Variants in COX15 observed in about 807,000 individuals in gnomAD.
The protein encoded by COX15 is cytochrome c oxidase assembly factor COX15.
Under a neutral mutation model 51.9 loss-of-function variants are expected in COX15, and 51 were observed. The observed-to-expected ratio is 0.98, with a 90% CI of 0.78 to 1.24. COX15 has a LOEUF of 1.24. COX15 is among the 50% of genes most tolerant of loss of function. The probability of loss-of-function intolerance (pLI) is 0.00; values close to 1 mark genes in which losing one functional copy is unlikely to be tolerated. For synonymous variants in COX15, 188 were observed against 190.5 expected (o/e 0.99, Z 0.11); for missense variants, 420 against 501.1 (o/e 0.84, Z 1.55).
the COX15 span, among the ~76,000 whole-genome samples, chr10:99,702,242 T>G: frequency 6.6e-6 from 1 of 152,010 alleles, no homozygotes; most frequent in Non-Finnish European, 1.5e-5. Flanking sequence ...ATCCTATAAT[T>G]ACATTTGTAG....
chr10:99,729,299 A>G (rs1427034131), intron 2 of COX15, among the ~76,000 whole-genome samples: 1 of 152,078 alleles, frequency 6.6e-6, no homozygotes, highest in Admixed American at 6.5e-5. Context: ...TGTCTCTACT[A>G]AAAATACAAA....
chr10:99,706,068 C>G (rs1172132017), downstream of COX15: 1 of 152,076 alleles, frequency 6.6e-6, no homozygotes, highest in Non-Finnish European at 1.5e-5. Context: ...TTTTCGTCAC[C>G]TTTGATTTTT....
intron 2 of COX15, 152 bp downstream of exon 2, chr10:99,729,401 A>T (rs2037062967): frequency 1.2e-5 from 10 of 802,774 alleles, no homozygotes; most frequent in Non-Finnish European, 1.0e-5. Context: ...CGGAGGTTGC[A>T]GTCAGCCGAG....
In COX15 at chr10:99,711,660, G is replaced by A. The variant is rs1298782034; in HGVS notation, c.*2927C>T. On this transcript the variant is annotated 3_prime_UTR_variant, in exon 9 of 9. Coordinates refer to ENST00000016171, the MANE Select transcript of COX15 (RefSeq NM_078470.6). ...TTCCTCCAGGGATTGTGACTTAATT[G>A]GTCTTAGATGAGGCTTGGGCTTTGG... 2.0e-6 allele frequency: 2 copies of A among 984,950 alleles called. No individual in the cohort carries two copies. The highest frequency in any genetic ancestry group is 1.7e-5 in the African/African-American group (1 of 57,194). 61.0% of individuals were successfully genotyped at this position (984,950 alleles called of 1,614,324 possible). A position where few individuals can be genotyped will look rare whatever the true frequency, so the allele number is the denominator to read the frequency against.
At position 99,711,386 on chromosome 10, in the gene COX15, A is replaced by G. The variant is rs1402938406; in HGVS notation, c.*3201T>C. On this transcript the variant is annotated 3_prime_UTR_variant, in exon 9 of 9. Transcript: ENST00000016171. ...GAGGATCAGGAGAGGATGGTGTGGG[A>G]ACCTGCCTCAGGAACTACAGTTCCC... 1.0e-6 allele frequency: 1 copy of G among 985,270 alleles called. No homozygotes were observed. The highest frequency in any genetic ancestry group is 1.2e-6 in the Non-Finnish European group (1 of 829,920). 61.0% of individuals were successfully genotyped at this position (985,270 alleles called of 1,614,324 possible).
At chr10:99,696,992 A>C in the COX15 span, among the ~76,000 whole-genome samples, 1 of 152,210 alleles carries the variant, frequency 6.6e-6, no homozygotes, top group African/African-American at 2.4e-5. Flanking sequence ...TAAGCAAACA[A>C]CACACTTACC....
chr10:99,731,479 G>A (rs1998290), intron 1 of COX15, among the ~76,000 whole-genome samples: 130,105 of 152,204 alleles, frequency 0.85, 55,672 homozygotes, highest in Middle Eastern at 0.92. Context: ...CTATATCCCT[G>A]TGAGTCCAAA....
Position 99,712,177 on chromosome 10 carries a change from A to T in COX15, c.*2410T>A. 1 of 959,158 alleles carries T rather than the reference A, an allele frequency of 1.0e-6. No homozygotes were observed. Among genetic ancestry groups the T allele is most frequent in the Non-Finnish European group, 1.2e-6 (1 of 805,992 alleles). The allele number at this position is 959,158 out of a possible 1,614,324, so 59.4% of individuals were successfully genotyped here. On this transcript the variant is annotated 3_prime_UTR_variant, in exon 9 of 9. Transcript: ENST00000016171. ...TCTAACACTGAATGTCACACTTTGA[A>T]CATGAGATTTGGAGGGGACAAAACA... is the stretch of plus-strand genomic sequence containing the variant.
At chr10:99,728,946 TA>T (rs1269233402) in intron 2 of COX15, among the ~76,000 whole-genome samples, 3 of 152,096 alleles carry the variant, frequency 2.0e-5, no homozygotes, top group Non-Finnish European at 2.9e-5. Context: ...AAACAAACTG[TA>T]AAAAAAGTTT....
chr10:99,713,004 C>CTCA lies in COX15; in HGVS notation c.*1580_*1582dup, dbSNP rs2133560808. On this transcript the variant is annotated 3_prime_UTR_variant, in exon 9 of 9. Coordinates refer to ENST00000016171, the MANE Select transcript of COX15 (RefSeq NM_078470.6). ...TTCCCTGTGTGACAGGGGTTCTGGA[C>CTCA]TCATCATTCTGATCTCTTCTTCTGG... 3.6e-6 allele frequency: 4 copies of CTCA among 1,117,116 alleles called. No homozygotes were observed. Among genetic ancestry groups the CTCA allele is most frequent in the Middle Eastern group, 4.1e-4 (1 of 2,414 alleles). 69.2% of individuals were successfully genotyped at this position (1,117,116 alleles called of 1,614,324 possible).
intron 2 of COX15, among the ~76,000 whole-genome samples, chr10:99,729,325 G>T (rs912690717): frequency 6.6e-6 from 1 of 151,982 alleles, no homozygotes; most frequent in African/African-American, 2.4e-5. Flanking sequence ...AGCCAGATAT[G>T]GTGGCACGCG....
rs1366548548 is a variant in COX15 at position 99,710,871 on chromosome 10, A to C, written c.*3716T>G. 32 of 985,316 alleles carry C rather than the reference A, an allele frequency of 3.2e-5. No individual in the cohort carries two copies. Among genetic ancestry groups the C allele is most frequent in the Non-Finnish European group, 3.6e-5 (30 of 829,920 alleles). 61.0% of individuals were successfully genotyped at this position (985,316 alleles called of 1,614,324 possible). ...CAAAAAATTCTAGGTTGACTGATTA[A>C]GAAAGCCATGTGTTTTAATTTCCTT... is the stretch of plus-strand genomic sequence containing the variant. On this transcript the variant is annotated 3_prime_UTR_variant, in exon 9 of 9. Transcript: ENST00000016171.
chr10:99,721,551 A>C (rs555149186), intron 5 of COX15, among the ~76,000 whole-genome samples: 2 of 152,336 alleles, frequency 1.3e-5, no homozygotes, highest in Non-Finnish European at 2.9e-5. Context: ...TAAAATCAAA[A>C]TTTGTTTTTA....
At chr10:99,716,288 C>T (rs1001780502) in intron 8 of COX15, 60 bp downstream of exon 8, 43 of 1,222,742 alleles carry the variant, frequency 3.5e-5, no homozygotes, top group African/African-American at 6.0e-5. Context: ...CCACTGTGCC[C>T]GGCCCCTTTT....
intron 6 of COX15, among the ~76,000 whole-genome samples, chr10:99,720,612 G>A (rs559554259): frequency 3.3e-5 from 5 of 152,164 alleles, no homozygotes; most frequent in Non-Finnish European, 7.3e-5. Context: ...TTTGCTACAT[G>A]CCAACAACGA....
intron 7 of COX15, 34 bp from the exon 8 acceptor site, chr10:99,716,495 G>A: frequency 2.8e-6 from 4 of 1,453,800 alleles, no homozygotes; most frequent in Non-Finnish European, 3.9e-6. Flanking sequence ...ACATTAGATA[G>A]AAGTGCCAGG....
At chr10:99,726,086 T>G (rs1210812484) in intron 4 of COX15, among the ~76,000 whole-genome samples, 1 of 152,192 alleles carries the variant, frequency 6.6e-6, no homozygotes, top group Non-Finnish European at 1.5e-5. Context: ...GAGTCTTTCC[T>G]TAAGAGGCGC....
rs753531215 is a variant in COX15 at position 99,724,036 on chromosome 10, C to T, written c.670G>A (p.Ala224Thr). 2 of 1,614,128 alleles carry T rather than the reference C, an allele frequency of 1.2e-6. No homozygotes were observed. Among genetic ancestry groups the T allele is most frequent in the Admixed American group, 3.3e-5 (2 of 60,014 alleles). Residue 224 changes from alanine (A) to threonine (T), a missense_variant, in exon 5 of 9, where the codon GCT becomes ACT. Physicochemically the swap from Ala to Thr is moderately conservative, Grantham distance 58. Coordinates refer to ENST00000016171, the MANE Select transcript of COX15 (RefSeq NM_078470.6). ...DIPRVSQYRL[A>T]AHLGSALVLY... The stretch of plus-strand genomic sequence containing the variant: ...ACCAGGGCTGATCCCAGGTGGGCAG[C>T]AAGGCGGTACTGACTGACCCGAGGG...
At chr10:99,705,371 G>A in the COX15 span, 1 of 152,638 alleles carries the variant, frequency 6.6e-6, no homozygotes, top group Non-Finnish European at 1.5e-5. Flanking sequence ...TCTGATGCCT[G>A]GTATGATGAG....
Sources: allele counts gnomAD v4.1 joint callset (sites outside exome capture counted in the v4.1 genomes callset), GRCh38; gene constraint gnomAD v4.1.1; transcripts MANE v1.5; gene names NCBI Gene and HGNC (gene_info 2026-07-23, HGNC 2026-07-21).